Variants in GREM2 observed in about 807,000 individuals in gnomAD.
The protein encoded by GREM2 is gremlin-2.
Under a neutral mutation model 14.2 loss-of-function variants are expected in GREM2, and 11 were observed. That is an observed-to-expected ratio of 0.78 (90% CI 0.49 to 1.28). The LOEUF is 1.28. Ranked by LOEUF, GREM2 falls within the 50% of genes most tolerant of loss-of-function variation. GREM2 has a pLI of 0.00. For missense variants in GREM2, 210 were observed against 218.5 expected (o/e 0.96, Z 0.24); for synonymous variants, 98 against 97.6 (o/e 1.00, Z -0.02).
At chr1:240,537,347 G>C (rs1168746032) in intron 1 of GREM2, among the ~76,000 whole-genome samples, 1 of 152,042 alleles carries the variant, frequency 6.6e-6, no homozygotes, top group Non-Finnish European at 1.5e-5. Flanking sequence ...TGAGTTTTAA[G>C]GAGCAAGGAA....
At chr1:240,569,174 C>T (rs1372829183) in intron 1 of GREM2, among the ~76,000 whole-genome samples, 1 of 152,090 alleles carries the variant, frequency 6.6e-6, no homozygotes, top group Non-Finnish European at 1.5e-5. Flanking sequence ...TTAAAAACTA[C>T]AGAATATTGC....
At chr1:240,538,624 G>A (rs1428001162) in intron 1 of GREM2, among the ~76,000 whole-genome samples, 1 of 151,992 alleles carries the variant, frequency 6.6e-6, no homozygotes, top group Non-Finnish European at 1.5e-5. Context: ...AGACTGAGGT[G>A]GGAGGATCAC....
intron 1 of GREM2, 145 bp downstream of exon 1, chr1:240,611,739 C>T (rs1373281964): frequency 1.3e-5 from 2 of 152,586 alleles, no homozygotes; most frequent in African/African-American, 2.4e-5. Flanking sequence ...TTGAATTACC[C>T]GGGGTGAAAC....
At chr1:240,547,394 A>G (rs960180501) in intron 1 of GREM2, among the ~76,000 whole-genome samples, 18 of 150,946 alleles carry the variant, frequency 1.2e-4, no homozygotes, top group Non-Finnish European at 5.9e-5. Context: ...CAGCTACTCA[A>G]GAGGCTGAGG....
rs1046207207 is a variant in GREM2 at position 240,604,783 on chromosome 1, C to G, written c.-2+7101G>C. Among the ~76,000 whole-genome samples the G allele has an allele frequency of 3.3e-4, 50 of 152,170 alleles. 1 individual carries two copies. Among genetic ancestry groups the G allele is most frequent in the South Asian group, 2.1e-4 (1 of 4,830 alleles). On this transcript the variant is annotated intron_variant, in intron 1 of 1. Coordinates refer to ENST00000318160, the MANE Select transcript of GREM2 (RefSeq NM_022469.4). ...GACCAGCTTGGCAAACATGGTGAGA[C>G]CCATCTCTTTGTAAAAAGTAAAAGT...
chr1:240,503,350 C>T (rs1677611064), intron 1 of GREM2, among the ~76,000 whole-genome samples: 1 of 152,148 alleles, frequency 6.6e-6, no homozygotes, highest in African/African-American at 2.4e-5. Flanking sequence ...GGTTTAGATC[C>T]TCATCATCTG....
chr1:240,546,213 C>A (rs184355785), intron 1 of GREM2, among the ~76,000 whole-genome samples: 1 of 152,186 alleles, frequency 6.6e-6, no homozygotes, highest in East Asian at 1.9e-4. Flanking sequence ...GTGGCACATG[C>A]CTATAATCCC....
chr1:240,538,560 A>C (rs1678523947), intron 1 of GREM2, among the ~76,000 whole-genome samples: 1 of 151,978 alleles, frequency 6.6e-6, no homozygotes, highest in Admixed American at 6.6e-5. Flanking sequence ...AATAATAATA[A>C]TACAAAAATT....
At chr1:240,563,035 T>A (rs576207587) in intron 1 of GREM2, among the ~76,000 whole-genome samples, 1 of 143,834 alleles carries the variant, frequency 7.0e-6, no homozygotes, top group Admixed American at 6.9e-5. Flanking sequence ...TGTATATGAG[T>A]GTGTATGTGT....
rs983192565 is a variant in GREM2 at position 240,542,927 on chromosome 1, T to C, written c.-1-49451A>G. 6.6e-6 allele frequency among the ~76,000 whole-genome samples: 1 copy of C among 152,194 alleles called. No individual in the cohort carries two copies. Among genetic ancestry groups the C allele is most frequent in the African/African-American group, 2.4e-5 (1 of 41,450 alleles). On this transcript the variant is annotated intron_variant, in intron 1 of 1. Coordinates refer to ENST00000318160, the MANE Select transcript of GREM2 (RefSeq NM_022469.4). This position sits in a 1 kb window ranked among gnomAD's most constrained non-coding sequence, Gnocchi z 4.1. Reference sequence around the variant, plus strand: ...CCTCTCTGAGAAAGAAAGAGCTCTCTCCACTCTTAGAAGTTCTGTAAGATC... The same window carrying C: ...CCTCTCTGAGAAAGAAAGAGCTCTCCCCACTCTTAGAAGTTCTGTAAGATC...
intron 1 of GREM2, among the ~76,000 whole-genome samples, chr1:240,580,189 G>A (rs1402677553): frequency 6.6e-6 from 1 of 152,012 alleles, no homozygotes; most frequent in Non-Finnish European, 1.5e-5. Flanking sequence ...CCAGGAGTTC[G>A]AGACCAGCCT....
In GREM2 at chr1:240,499,100, G is replaced by A. The variant is rs149936953; in HGVS notation, c.-1-5624C>T. On this transcript the variant is annotated intron_variant, in intron 1 of 1. Transcript: ENST00000318160. ...CCATCACAGGCCCCTTCTATCAGCC[G>A]TTCCTAAAAGTGGCAAGACCTGAAC... is the stretch of plus-strand genomic sequence containing the variant. 2.6e-3 allele frequency among the ~76,000 whole-genome samples: 401 copies of A among 152,334 alleles called. 6 individuals carry two copies. The highest frequency in any genetic ancestry group is 9.0e-3 in the African/African-American group (376 of 41,570).
At position 240,588,246 on chromosome 1, in the gene GREM2, G is replaced by T. The variant is rs140797247; in HGVS notation, c.-2+23638C>A. On this transcript the variant is annotated intron_variant, in intron 1 of 1. Coordinates refer to ENST00000318160, the MANE Select transcript of GREM2 (RefSeq NM_022469.4). Reference sequence around the variant, plus strand: ...TTTGCCCATTGAGATGACTGGCTTAGAATGCACCTTTTATTGACTATCTTC... The same window carrying T: ...TTTGCCCATTGAGATGACTGGCTTATAATGCACCTTTTATTGACTATCTTC... Among the ~76,000 whole-genome samples, 19 of 152,298 alleles carry T rather than the reference G, an allele frequency of 1.2e-4. No individual in the cohort carries two copies. The East Asian group carries it at 2.1e-3, about 17-fold the overall frequency.
chr1:240,583,626 G>A (rs1285907332), intron 1 of GREM2, among the ~76,000 whole-genome samples: 1 of 147,564 alleles, frequency 6.8e-6, no homozygotes, highest in South Asian at 2.1e-4. Flanking sequence ...TTTTTTAGAC[G>A]GAATCTCACT....
chr1:240,596,451 C>T (rs1048242408), intron 1 of GREM2, among the ~76,000 whole-genome samples: 5 of 152,158 alleles, frequency 3.3e-5, no homozygotes, highest in Non-Finnish European at 5.9e-5. Flanking sequence ...AATCCCAGCA[C>T]TTTGGGAGGC....
chr1:240,516,484 G>T (rs1677959988), intron 1 of GREM2, among the ~76,000 whole-genome samples: 1 of 152,082 alleles, frequency 6.6e-6, no homozygotes, highest in South Asian at 2.1e-4. Flanking sequence ...GATTTCATTA[G>T]ACTTTTCATT....
intron 1 of GREM2, among the ~76,000 whole-genome samples, chr1:240,549,268 G>A (rs539202762): frequency 3.3e-5 from 5 of 151,810 alleles, no homozygotes; most frequent in South Asian, 2.1e-4. Flanking sequence ...CCTGGGAGGC[G>A]GAGGTTGCGG....
intron 1 of GREM2, among the ~76,000 whole-genome samples, chr1:240,520,761 T>A (rs113811316): frequency 6.6e-6 from 1 of 152,084 alleles, no homozygotes; most frequent in African/African-American, 2.4e-5. Context: ...CAGGCTGGTC[T>A]TGAACTCCAG....
chr1:240,506,334 A>G (rs1320553691), intron 1 of GREM2, among the ~76,000 whole-genome samples: 1 of 152,152 alleles, frequency 6.6e-6, no homozygotes, highest in Non-Finnish European at 1.5e-5. Flanking sequence ...AGAACAGTCT[A>G]TTAGCTAATG....
Sources: gnomAD v4.1 joint callset for allele counts (sites outside exome capture counted in the v4.1 genomes callset) on GRCh38, gnomAD v4.1.1 for gene constraint, Gnocchi (gnomAD v3.1) non-coding constraint, MANE v1.5 for transcripts, NCBI Gene and HGNC (gene_info 2026-07-23, HGNC 2026-07-21) for gene names.